The following ATAD1 variants were observed in gnomAD, a reference collection of about 807,000 sequenced individuals.
ATAD1 encodes the protein ATPase family AAA domain containing 1.
In ATAD1, 18 loss-of-function variants were observed where a neutral mutation model predicts 42.7. The observed-to-expected ratio is 0.42, with a 90% CI of 0.29 to 0.63. The LOEUF is 0.63. ATAD1 is among the 20% of genes least tolerant of loss of function. The pLI is 0.19. For synonymous variants in ATAD1, 132 were observed against 143.1 expected, an observed-to-expected ratio of 0.92 and a Z score of 0.55; for missense variants, 294 against 440.4, an observed-to-expected ratio of 0.67 and a Z score of 2.98.
chr10:87,772,210 T>C (rs981216250), intron 6 of ATAD1, among the ~76,000 whole-genome samples: 1 of 152,074 alleles, frequency 6.6e-6, no homozygotes, highest in Admixed American at 6.5e-5. Flanking sequence ...ATTTTCTTTC[T>C]TTCTTTCTTT....
chr10:87,812,716 A>G (rs945194125), intron 2 of ATAD1, among the ~76,000 whole-genome samples: 1 of 152,348 alleles, frequency 6.6e-6, no homozygotes, highest in Middle Eastern at 3.4e-3. Context: ...CTAGAAGCAA[A>G]AAGTATCCCT....
At chr10:87,761,073 TA>T (rs937034220) in intron 8 of ATAD1, among the ~76,000 whole-genome samples, 22 of 147,318 alleles carry the variant, frequency 1.5e-4, no homozygotes, top group African/African-American at 3.8e-4. Context: ...CATGTGAATT[TA>T]AAAAAAAAAC....
rs1589464418 is a variant in ATAD1 at position 87,763,255 on chromosome 10, G to A, written c.831+4418C>T. Reference sequence around the variant, plus strand: ...AGACTACTTTTATCTCATTCTTAAAGGGCTCTATGACATGCTCCCCCCAAA... The same window carrying A: ...AGACTACTTTTATCTCATTCTTAAAAGGCTCTATGACATGCTCCCCCCAAA... On this transcript the variant is annotated intron_variant, in intron 8 of 9. Coordinates refer to ENST00000680024, the MANE Select transcript of ATAD1 (RefSeq NM_001321967.2). Among the ~76,000 whole-genome samples the A allele has an allele frequency of 3.9e-5, 6 of 152,068 alleles. No homozygotes were observed. The South Asian group carries it at 1.2e-3, about 32-fold the overall frequency.
intron 8 of ATAD1, chr10:87,759,749 A>T: frequency 2.2e-6 from 1 of 455,882 alleles, no homozygotes. Context: ...AATCCTGGGC[A>T]AGTTATTACA....
chr10:87,784,237 C>T (rs558673662), intron 5 of ATAD1, among the ~76,000 whole-genome samples: 1 of 152,234 alleles, frequency 6.6e-6, no homozygotes, highest in African/African-American at 2.4e-5. Flanking sequence ...ACATGGATAT[C>T]TACTGCATAC....
At chr10:87,829,500 G>A (rs1336508507) in intron 1 of ATAD1, among the ~76,000 whole-genome samples, 1 of 151,842 alleles carries the variant, frequency 6.6e-6, no homozygotes, top group Non-Finnish European at 1.5e-5. Flanking sequence ...ATGATCTGCC[G>A]ACCTCAGCCT....
intron 1 of ATAD1, among the ~76,000 whole-genome samples, chr10:87,829,234 A>ATTTATTATTTAT (rs33913276): frequency 1.9e-4 from 27 of 142,928 alleles, no homozygotes; most frequent in African/African-American, 7.0e-4. Flanking sequence ...TATTTTATTT[A>ATTTATTATTTAT]TTATTTATTT....
intron 5 of ATAD1, among the ~76,000 whole-genome samples, chr10:87,777,736 T>C (rs1016303835): frequency 6.6e-6 from 1 of 152,166 alleles, no homozygotes; most frequent in Non-Finnish European, 1.5e-5. Flanking sequence ...ACACAAACTT[T>C]GTCGATCATA....
chr10:87,778,783 G>A (rs1855433633), intron 5 of ATAD1, among the ~76,000 whole-genome samples: 1 of 151,990 alleles, frequency 6.6e-6, no homozygotes, highest in African/African-American at 2.4e-5. Flanking sequence ...AAAAGTAAAT[G>A]CACATCTGAC....
chr10:87,818,360 CCTGATGTCTG>C (rs1857535027), upstream of ATAD1: 9 of 649,386 alleles, frequency 1.4e-5, no homozygotes, highest in Non-Finnish European at 1.5e-5. Flanking sequence ...AATTCGCGCA[CCTGATGTCTG>C]CTTAAGCTAC....
chr10:87,840,868 A>G (rs998201394), intron 1 of ATAD1, among the ~76,000 whole-genome samples: 1 of 152,168 alleles, frequency 6.6e-6, no homozygotes, highest in Non-Finnish European at 1.5e-5. Context: ...ATATATGATG[A>G]TATTTTTATC....
In ATAD1 at chr10:87,753,657, TATAAA is replaced by T. The variant is rs1854103698; in HGVS notation, c.*1025_*1029del. The stretch of plus-strand genomic sequence containing the variant: ...ATATACTAAGAAAACTAAAATTAAT[TATAAA>T]ATGAGTATTTTTAGCACACTTAGTA... On this transcript the variant is annotated 3_prime_UTR_variant, in exon 10 of 10. Transcript: ENST00000680024. The T allele has an allele frequency of 1.3e-5, 2 of 152,574 alleles. No homozygotes were observed. The highest frequency in any genetic ancestry group is 1.3e-4 in the Admixed American group (2 of 15,266). The allele number at this position is 152,574 out of a possible 1,614,324, so 9.5% of individuals were successfully genotyped here.
intron 2 of ATAD1, among the ~76,000 whole-genome samples, chr10:87,794,198 C>T (rs961149177): frequency 6.6e-6 from 1 of 152,130 alleles, no homozygotes; most frequent in African/African-American, 2.4e-5. Flanking sequence ...CCAGCCTGGA[C>T]AAGAGACAAA....
chr10:87,759,736 T>C (rs1854394710), intron 8 of ATAD1: 1 of 455,828 alleles, frequency 2.2e-6, no homozygotes. Flanking sequence ...CACTTCTTTG[T>C]GTAATCCTGG....
chr10:87,795,920 G>C (rs1160141516), intron 2 of ATAD1, among the ~76,000 whole-genome samples: 2 of 152,194 alleles, frequency 1.3e-5, no homozygotes, highest in Admixed American at 6.5e-5. Context: ...ACTTAAGTTA[G>C]AAACAAGGAC....
At position 87,786,649 on chromosome 10, in the gene ATAD1, T is replaced by C. The variant is rs143603604; in HGVS notation, c.383-1979A>G. Among the ~76,000 whole-genome samples, 18 of 152,312 alleles carry C rather than the reference T, an allele frequency of 1.2e-4. No homozygotes were observed. The East Asian group carries it at 3.5e-3, about 29-fold the overall frequency. Reference sequence around the variant, plus strand: ...TAGTAGTTACATAAGTGTGTTAGCCTTATAGTTATTCAGTAAACTGCTTTA... The same window carrying C: ...TAGTAGTTACATAAGTGTGTTAGCCCTATAGTTATTCAGTAAACTGCTTTA... On this transcript the variant is annotated intron_variant, in intron 4 of 9. Transcript: ENST00000680024.
At chr10:87,827,778 C>T (rs1564789599) in intron 1 of ATAD1, among the ~76,000 whole-genome samples, 1 of 152,114 alleles carries the variant, frequency 6.6e-6, no homozygotes, top group Non-Finnish European at 1.5e-5. Flanking sequence ...CTACAGTGGC[C>T]TTTAAATGTT....
At chr10:87,812,430 G>A (rs761362606) in intron 2 of ATAD1, among the ~76,000 whole-genome samples, 22 of 152,000 alleles carry the variant, frequency 1.4e-4, no homozygotes, top group Non-Finnish European at 2.9e-4. Flanking sequence ...TCCGGCTAAT[G>A]TTTTGTATTT....
intron 8 of ATAD1, among the ~76,000 whole-genome samples, chr10:87,757,414 C>T (rs999624028): frequency 1.3e-5 from 2 of 152,066 alleles, no homozygotes; most frequent in Non-Finnish European, 2.9e-5. Flanking sequence ...CTGTCCTAGC[C>T]ACATAATAGA....
Sources: allele counts gnomAD v4.1 joint callset (sites outside exome capture counted in the v4.1 genomes callset), GRCh38; gene constraint gnomAD v4.1.1; transcripts MANE v1.5; gene names NCBI Gene and HGNC (gene_info 2026-07-23, HGNC 2026-07-21).